KIF18B: variants seen among roughly 807,000 people sequenced by gnomAD.
KIF18B encodes kinesin family member 18B, also known as kinesin-like protein KIF18B.
KIF18B carries 49 observed loss-of-function variants against 80.9 expected under a neutral mutation model. The observed-to-expected ratio is 0.61, with a 90% CI of 0.48 to 0.77. The LOEUF (loss-of-function observed/expected upper bound fraction) is 0.77. Ranked by LOEUF, KIF18B falls within the 30% of genes least tolerant of loss-of-function variation. The probability of loss-of-function intolerance (pLI) is 0.00; values close to 1 mark genes in which losing one functional copy is unlikely to be tolerated. For missense variants in KIF18B, 994 were observed against 1,127.7 expected (o/e 0.88, Z 1.70); for synonymous variants, 439 against 463.9 (o/e 0.95, Z 0.69).
rs1321474758 is a variant in KIF18B, at chr17:44,936,622, ATATTTTTTTTTTTTTTTT to A, written c.-14-282_-14-265del. On this transcript the variant is annotated intron_variant, in intron 1 of 15. Transcript: ENST00000593135. Reference sequence around the variant, plus strand: ...TCTATATATATATATATATATATATATATTTTTTTTTTTTTTTTTTTTTTTTTTTTTTTTTGAGACGGA... The same window carrying A: ...TCTATATATATATATATATATATATATTTTTTTTTTTTTTTTTGAGACGGA... Among the ~76,000 whole-genome samples the A allele has an allele frequency of 5.5e-4, 24 of 43,834 alleles. 1 individual carries two copies. The highest frequency in any genetic ancestry group is 1.2e-3 in the African/African-American group (11 of 9,552). 28.8% of individuals were successfully genotyped at this position (43,834 alleles called of 152,430 possible).
chr17:44,931,740 A>C lies in KIF18B; in HGVS notation c.1390-11T>G. On this transcript the variant is annotated splice_polypyrimidine_tract_variant and intron_variant, in intron 10 of 15. Transcript: ENST00000593135. ...CATCTGGGTTGGAACCTAAAGAGGA[A>C]GGAAAAGGCACAGGTAGAGGGGCCA... 1 of 1,613,762 alleles carries C rather than the reference A, an allele frequency of 6.2e-7. No homozygotes were observed. Among genetic ancestry groups the C allele is most frequent in the Non-Finnish European group, 8.5e-7 (1 of 1,179,770 alleles).
At chr17:44,945,731 C>T (rs962493889) in intron 1 of KIF18B, among the ~76,000 whole-genome samples, 3 of 151,674 alleles carry the variant, frequency 2.0e-5, no homozygotes, top group African/African-American at 7.3e-5. Flanking sequence ...ACGGTGAAAC[C>T]CCATCCCGAC....
chr17:44,935,255 C>A lies in KIF18B; in HGVS notation c.471+4G>T. On this transcript the variant is annotated splice_donor_region_variant and intron_variant, in intron 3 of 15. Coordinates refer to ENST00000593135, the MANE Select transcript of KIF18B (RefSeq NM_001265577.2). ...GAACAAGGCCCAGGGCAGGGGCAGC[C>A]GACCTCCTGGTAGCTGATGAGCACC... is the stretch of plus-strand genomic sequence containing the variant. 1.3e-6 allele frequency: 2 copies of A among 1,597,856 alleles called. No individual in the cohort carries two copies. Among genetic ancestry groups the A allele is most frequent in the Non-Finnish European group, 1.7e-6 (2 of 1,170,340 alleles).
At chr17:44,939,044 CAA>C (rs71363506) in intron 1 of KIF18B, among the ~76,000 whole-genome samples, 1 of 132,950 alleles carries the variant, frequency 7.5e-6, no homozygotes, top group East Asian at 2.2e-4. Context: ...AACTCCATCT[CAA>C]AAAAAAAAAT....
At position 44,926,182 on chromosome 17, in the gene KIF18B, C is replaced by T. The variant is rs753048880; in HGVS notation, c.2457G>A (p.Leu819=). The change falls in exon 16 of 16, where the codon CTG becomes CTA. Residue 819 remains leucine (L), a synonymous_variant. Transcript: ENST00000593135. ...TGCTAGGGCACAGGGGACTCAAGGGCAGCTCTGCAGGCCAGTTGGATGGGT... is the reference window on the plus strand; with the variant it reads ...TGCTAGGGCACAGGGGACTCAAGGGTAGCTCTGCAGGCCAGTTGGATGGGT... ...RPAGPLVLPE[L]PLSPLCPSNR... 2 of 1,613,880 alleles carry T rather than the reference C, an allele frequency of 1.2e-6. No homozygotes were observed. The highest frequency in any genetic ancestry group is 2.2e-5 in the South Asian group (2 of 91,078).
chr17:44,925,047 A>T lies in KIF18B; in HGVS notation c.*1033T>A, dbSNP rs1214817227. 6.6e-6 allele frequency: 1 copy of T among 151,980 alleles called. No homozygotes were observed. The highest frequency in any genetic ancestry group is 1.5e-5 in the Non-Finnish European group (1 of 68,018). 9.4% of individuals were successfully genotyped at this position (151,980 alleles called of 1,614,324 possible). On this transcript the variant is annotated 3_prime_UTR_variant, in exon 16 of 16. Transcript: ENST00000593135. The stretch of plus-strand genomic sequence containing the variant: ...CCAAGCCGCGACTCCCCGCTCCCCA[A>T]CCCATCCTCATTCCTCCTCTACTGC...
Position 44,945,757 on chromosome 17 carries a change from T to C in KIF18B, c.-15+1871A>G, listed in dbSNP as rs1232087904. The stretch of plus-strand genomic sequence containing the variant: ...CCATCCCGACTAAAAATACAAAAAA[T>C]TAGCCGGGTGTGGTGGCGGGTGCCT... On this transcript the variant is annotated intron_variant, in intron 1 of 15. Transcript: ENST00000593135. Among the ~76,000 whole-genome samples the C allele has an allele frequency of 3.3e-5, 5 of 150,862 alleles. No individual in the cohort carries two copies. In the East Asian group the frequency reaches 9.8e-4, roughly 30 times the overall value.
intron 1 of KIF18B, among the ~76,000 whole-genome samples, chr17:44,943,834 C>G (rs1234010594): frequency 1.3e-5 from 2 of 152,116 alleles, no homozygotes; most frequent in African/African-American, 4.8e-5. Context: ...CATCATGTCA[C>G]CTACCTCCCC....
chr17:44,932,046 C>T lies in KIF18B; in HGVS notation c.1389+10G>A, dbSNP rs747562767. 12 of 1,604,240 alleles carry T rather than the reference C, an allele frequency of 7.5e-6. No homozygotes were observed. In the Admixed American group the frequency reaches 1.4e-4, roughly 18 times the overall value. On this transcript the variant is annotated intron_variant, in intron 10 of 15. Coordinates refer to ENST00000593135, the MANE Select transcript of KIF18B (RefSeq NM_001265577.2). ...TCCCGATACCCAGGCCTCACACCCCCAAGTCCTACCTCCTCAGCTGGGCCT... is the reference window on the plus strand; with the variant it reads ...TCCCGATACCCAGGCCTCACACCCCTAAGTCCTACCTCCTCAGCTGGGCCT...
chr17:44,936,620 ATATATTTTTTTTTTTTTTTTTTT>A (rs2052314075), intron 1 of KIF18B, among the ~76,000 whole-genome samples: 1 of 60,158 alleles, frequency 1.7e-5, no homozygotes, highest in African/African-American at 7.6e-5. Context: ...ATATATATAT[ATATATTTTTTTTTTTTTTTTTTT>A]TTTTTTTTTT....
chr17:44,944,979 A>C (rs2052485409), intron 1 of KIF18B, among the ~76,000 whole-genome samples: 1 of 152,110 alleles, frequency 6.6e-6, no homozygotes, highest in Admixed American at 6.6e-5. Context: ...GAGGTTTTTA[A>C]AATTATTATT....
rs533168356 is a variant in KIF18B, at chr17:44,938,019, T to C, written c.-14-1661A>G. Among the ~76,000 whole-genome samples, 675 of 132,420 alleles carry C rather than the reference T, an allele frequency of 5.1e-3. 7 individuals are homozygous for C. Among genetic ancestry groups the C allele is most frequent in the Admixed American group, 7.6e-3 (104 of 13,610 alleles). 86.9% of individuals were successfully genotyped at this position (132,420 alleles called of 152,430 possible). ...ACACACACACACACACACACACACA[T>C]ATATATTTTTTTTGAGATGGAGTTT... On this transcript the variant is annotated intron_variant, in intron 1 of 15. Coordinates refer to ENST00000593135, the MANE Select transcript of KIF18B (RefSeq NM_001265577.2).
chr17:44,936,624 ATTTTTTTTTTTTTTT>A (rs72105429), intron 1 of KIF18B, among the ~76,000 whole-genome samples: 6 of 27,900 alleles, frequency 2.2e-4, no homozygotes, highest in South Asian at 1.7e-3. Context: ...ATATATATAT[ATTTTTTTTTTTTTTT>A]TTTTTTTTTT....
intron 11 of KIF18B, among the ~76,000 whole-genome samples, chr17:44,930,434 T>C (rs2052121506): frequency 6.6e-6 from 1 of 152,000 alleles, no homozygotes; most frequent in African/African-American, 2.4e-5. Flanking sequence ...ATTTTGTAGC[T>C]AAAAACAATA....
chr17:44,938,198 T>G (rs536216196), intron 1 of KIF18B, among the ~76,000 whole-genome samples: 1 of 152,310 alleles, frequency 6.6e-6, no homozygotes, highest in East Asian at 1.9e-4. Context: ...GTGTTTTTAG[T>G]AGAGACGGGG....
In KIF18B at chr17:44,928,253, G is replaced by A; in HGVS notation, c.2049C>T (p.Pro683=). Residue 683 remains proline (P), a synonymous_variant, in exon 13 of 16, where the codon CCC becomes CCT. Transcript: ENST00000593135. ...STPKGERASS[P]CHSPRVCPAT... ...CTGGGCAAACGCGAGGGGAATGGCA[G>A]GGGGAGGAGGCCCTTTCTCCTTTGG... 1 of 1,613,574 alleles carries A rather than the reference G, an allele frequency of 6.2e-7. No individual in the cohort carries two copies. The highest frequency in any genetic ancestry group is 2.2e-5 in the East Asian group (1 of 44,878).
rs776523420 is a variant in KIF18B, at chr17:44,936,170, C to A, written c.175G>T (p.Asp59Tyr). ...FPGLKWGGTHDGPKKKGKDLT... is the reference protein window; with the variant it reads ...FPGLKWGGTHYGPKKKGKDLT... ...TCTTTGCCCTTCTTCTTGGGGCCAT[C>A]ATGGGTGCCACCCCATTTCAGGCCA... The change falls in exon 2 of 16, where the codon GAT becomes TAT. Residue 59 changes from aspartate (D) to tyrosine (Y), a missense_variant. By Grantham distance (160) the Asp-to-Tyr change is radical. Coordinates refer to ENST00000593135, the MANE Select transcript of KIF18B (RefSeq NM_001265577.2). The A allele has an allele frequency of 3.1e-6, 5 of 1,613,060 alleles. No homozygotes were observed. Among genetic ancestry groups the A allele is most frequent in the South Asian group, 2.2e-5 (2 of 90,926 alleles).
chr17:44,939,961 G>A lies in KIF18B; in HGVS notation c.-14-3603C>T, dbSNP rs1031781056. Among the ~76,000 whole-genome samples the A allele has an allele frequency of 2.6e-5, 4 of 152,092 alleles. No homozygotes were observed. The East Asian group carries it at 5.8e-4, about 22-fold the overall frequency. On this transcript the variant is annotated intron_variant, in intron 1 of 15. Transcript: ENST00000593135. ...TGGGATTACAGGCGTGTGCCACCAC[G>A]CCCAGCTAATTTTTGTATTTTTAGT...
At position 44,936,307 on chromosome 17, in the gene KIF18B, C is replaced by G; in HGVS notation, c.38G>C (p.Arg13Pro). Residue 13 changes from arginine (R) to proline (P), a missense_variant, in exon 2 of 16, where the codon CGG (arginine) becomes CCG (proline). Arg to Pro is a moderately radical substitution (Grantham distance 103). Coordinates refer to ENST00000593135, the MANE Select transcript of KIF18B (RefSeq NM_001265577.2). ...VEDSTLQVVV[R>P]VRPPTPRELD... ...CTCCCGAGGGGTGGGGGGCCGCACC[C>G]GTACCACTACTTGCAGCGTGCTGTC... The G allele has an allele frequency of 6.2e-7, 1 of 1,609,580 alleles. No homozygotes were observed.
Sources: allele counts gnomAD v4.1 joint callset (sites outside exome capture counted in the v4.1 genomes callset), GRCh38; gene constraint gnomAD v4.1.1; transcripts MANE v1.5; gene names NCBI Gene and HGNC (gene_info 2026-07-23, HGNC 2026-07-21).